HS6ST3: variants seen among roughly 807,000 people sequenced by gnomAD.
HS6ST3 encodes the protein heparan sulfate 6-O-sulfotransferase 3.
In HS6ST3, 12 loss-of-function variants were observed where a neutral mutation model predicts 36.7. The observed-to-expected ratio is 0.33, with a 90% CI of 0.21 to 0.53. The LOEUF (loss-of-function observed/expected upper bound fraction) is 0.53, where lower values mean the gene tolerates loss of function less well. HS6ST3 is among the 20% of genes least tolerant of loss of function. The pLI is 0.95. For synonymous variants in HS6ST3, 240 were observed against 257.5 expected (o/e 0.93, Z 0.65); for missense variants, 584 against 640.9 (o/e 0.91, Z 0.96).
At chr13:96,584,513 C>T (rs1459511549) in intron 1 of HS6ST3, among the ~76,000 whole-genome samples, 1 of 152,196 alleles carries the variant, frequency 6.6e-6, no homozygotes, top group Non-Finnish European at 1.5e-5. Flanking sequence ...GTTTTCTTCA[C>T]CAGTCTATCC....
intron 1 of HS6ST3, among the ~76,000 whole-genome samples, chr13:96,278,251 G>T (rs917176764): frequency 6.6e-6 from 1 of 152,094 alleles, no homozygotes; most frequent in African/African-American, 2.4e-5. Context: ...GGACTGTCTT[G>T]CATTTTGTTT....
At chr13:96,271,357 T>G (rs2054719098) in intron 1 of HS6ST3, among the ~76,000 whole-genome samples, 1 of 151,968 alleles carries the variant, frequency 6.6e-6, no homozygotes, top group Non-Finnish European at 1.5e-5. Flanking sequence ...TATAATTTAA[T>G]TTTAATATGA....
At chr13:96,406,508 A>T (rs1196459300) in intron 1 of HS6ST3, among the ~76,000 whole-genome samples, 2 of 152,240 alleles carry the variant, frequency 1.3e-5, no homozygotes, top group Non-Finnish European at 2.9e-5. Flanking sequence ...CTTTGGAATT[A>T]GCAGAATGTT....
chr13:96,420,520 T>C (rs571197119), intron 1 of HS6ST3, among the ~76,000 whole-genome samples: 14 of 152,338 alleles, frequency 9.2e-5, no homozygotes, highest in African/African-American at 3.4e-4. Flanking sequence ...GTTTGGTGAA[T>C]ACTTGGGGGA....
At chr13:96,819,391 G>T (rs574126425) in intron 1 of HS6ST3, among the ~76,000 whole-genome samples, 1 of 152,094 alleles carries the variant, frequency 6.6e-6, no homozygotes, top group African/African-American at 2.4e-5. Context: ...ATACCAGAAG[G>T]CATATCCATA....
At chr13:96,276,837 C>T (rs1182497703) in intron 1 of HS6ST3, among the ~76,000 whole-genome samples, 2 of 152,146 alleles carry the variant, frequency 1.3e-5, no homozygotes, top group Admixed American at 6.6e-5. Context: ...TACCATAAGG[C>T]TCAGGAACCT....
chr13:96,813,749 A>G (rs1257261606), intron 1 of HS6ST3, among the ~76,000 whole-genome samples: 4 of 152,198 alleles, frequency 2.6e-5, no homozygotes, highest in Non-Finnish European at 5.9e-5. Flanking sequence ...CCAATAAACA[A>G]CATACATAAT....
chr13:96,483,272 A>G (rs1298452094), intron 1 of HS6ST3, among the ~76,000 whole-genome samples: 1 of 152,168 alleles, frequency 6.6e-6, no homozygotes, highest in East Asian at 1.9e-4. Context: ...TTCCCCAGAT[A>G]AAAGGTGGCG....
In HS6ST3 at chr13:96,543,939, G is replaced by T. The variant is rs953573053; in HGVS notation, c.708-288551G>T. On this transcript the variant is annotated intron_variant, in intron 1 of 1. Transcript: ENST00000376705. ...TGATGTGTTTCAACCATGGATATAT[G>T]ATATGATGGGGAGATATATATATAT... 8.1e-5 allele frequency among the ~76,000 whole-genome samples: 12 copies of T among 147,560 alleles called. No homozygotes were observed. The South Asian group carries it at 2.1e-3, about 26-fold the overall frequency.
At chr13:96,193,489 A>G (rs2054298414) in intron 1 of HS6ST3, among the ~76,000 whole-genome samples, 1 of 152,098 alleles carries the variant, frequency 6.6e-6, no homozygotes, top group Non-Finnish European at 1.5e-5. Flanking sequence ...GAGCTGTGAA[A>G]CATGCTGGGG....
At chr13:96,349,417 T>C (rs943824) in intron 1 of HS6ST3, among the ~76,000 whole-genome samples, 44,671 of 152,126 alleles carry the variant, frequency 0.29, 8,100 homozygotes, top group Non-Finnish European at 0.4. Flanking sequence ...TCTTTGTTTA[T>C]TTCTCTCTCT....
chr13:96,805,936 G>A (rs1878187867), intron 1 of HS6ST3, among the ~76,000 whole-genome samples: 1 of 152,156 alleles, frequency 6.6e-6, no homozygotes, highest in Non-Finnish European at 1.5e-5. Flanking sequence ...CATGAATGCA[G>A]GACTCTAATG....
chr13:96,470,099 C>G (rs986730051), intron 1 of HS6ST3, among the ~76,000 whole-genome samples: 2 of 152,064 alleles, frequency 1.3e-5, no homozygotes, highest in African/African-American at 4.8e-5. Flanking sequence ...CCCTGTAATA[C>G]AGTAGTGCTA....
chr13:96,813,525 TTCTC>T (rs1229869468), intron 1 of HS6ST3, among the ~76,000 whole-genome samples: 1 of 152,206 alleles, frequency 6.6e-6, no homozygotes, highest in South Asian at 2.1e-4. Context: ...CTTTATGTCT[TTCTC>T]TATCACGCAG....
intron 1 of HS6ST3, among the ~76,000 whole-genome samples, chr13:96,272,353 T>C (rs79010396): frequency 0.016 from 2,419 of 152,090 alleles, 112 homozygotes; most frequent in African/African-American, 0.056. Context: ...TTTTAAAATA[T>C]TCTGTGAGAG....
At chr13:96,655,507 T>C (rs2056621609) in intron 1 of HS6ST3, among the ~76,000 whole-genome samples, 1 of 152,174 alleles carries the variant, frequency 6.6e-6, no homozygotes, top group African/African-American at 2.4e-5. Context: ...TTCATTTGTA[T>C]CTATCCTGAA....
At chr13:96,266,216 G>A (rs1049801176) in intron 1 of HS6ST3, among the ~76,000 whole-genome samples, 1 of 152,110 alleles carries the variant, frequency 6.6e-6, no homozygotes, top group African/African-American at 2.4e-5. Context: ...CCCTTCACTG[G>A]GCGCCTCAGA....
At chr13:96,648,380 T>C (rs2056596005) in intron 1 of HS6ST3, among the ~76,000 whole-genome samples, 1 of 152,070 alleles carries the variant, frequency 6.6e-6, no homozygotes. Context: ...GACCCAGTCC[T>C]TGGTCCTATT....
At chr13:96,748,250 TCC>T (rs1566444381) in intron 1 of HS6ST3, among the ~76,000 whole-genome samples, 25 of 151,972 alleles carry the variant, frequency 1.6e-4, no homozygotes, top group African/African-American at 5.3e-4. Context: ...TCTGCTTGGA[TCC>T]TGTGCCCTCC....
Sources: gnomAD v4.1 joint callset for allele counts (sites outside exome capture counted in the v4.1 genomes callset) on GRCh38, gnomAD v4.1.1 for gene constraint, MANE v1.5 for transcripts, NCBI Gene and HGNC (gene_info 2026-07-23, HGNC 2026-07-21) for gene names.